The following OSBPL6 variants were observed in gnomAD, a reference collection of about 807,000 sequenced individuals.
OSBPL6 encodes oxysterol-binding protein-related protein 6.
OSBPL6 carries 49 observed loss-of-function variants against 125.8 expected under a neutral mutation model. The ratio of observed to expected loss-of-function variants is 0.39; its 90% CI spans 0.31 to 0.49. The LOEUF is 0.49. Among genes scored for constraint, OSBPL6 ranks in the 20% least tolerant of loss-of-function variants. The probability of loss-of-function intolerance (pLI) is 0.88; values close to 1 mark genes in which losing one functional copy is unlikely to be tolerated. For synonymous variants in OSBPL6, 394 were observed against 391.8 expected (o/e 1.01, Z -0.07); for missense variants, 986 against 1,135.4 (o/e 0.87, Z 1.89).
At position 178,333,043 on chromosome 2, in the gene OSBPL6, T is replaced by C; in HGVS notation, c.657+2T>C. The C allele has an allele frequency of 6.2e-7, 1 of 1,613,412 alleles. No homozygotes were observed. Among genetic ancestry groups the C allele is most frequent in the Non-Finnish European group, 8.5e-7 (1 of 1,179,844 alleles). Reference sequence around the variant, plus strand: ...AATGTTTCTGTAATGGATGGAAAGGTATGACTTTGTTCTATAAAAACCAGC... The same window carrying C: ...AATGTTTCTGTAATGGATGGAAAGGCATGACTTTGTTCTATAAAAACCAGC... On this transcript the variant is annotated splice_donor_variant, in intron 8 of 24. Coordinates refer to ENST00000190611, the MANE Select transcript of OSBPL6 (RefSeq NM_032523.4). LOFTEE classifies it high-confidence loss of function.
chr2:178,208,812 T>TCC (rs1559117235), intron 1 of OSBPL6, among the ~76,000 whole-genome samples: 5 of 14,580 alleles, frequency 3.4e-4, no homozygotes, highest in East Asian at 5.4e-3. Context: ...TTCCTCCCCT[T>TCC]TCTTTCTTTT....
intron 1 of OSBPL6, among the ~76,000 whole-genome samples, chr2:178,213,265 T>G (rs1024411324): frequency 6.6e-6 from 1 of 151,986 alleles, no homozygotes; most frequent in Non-Finnish European, 1.5e-5. Context: ...TGCTAGCAAA[T>G]TCCAAATTTA....
chr2:178,283,535 G>T (rs1199639286), intron 1 of OSBPL6, among the ~76,000 whole-genome samples: 1 of 152,134 alleles, frequency 6.6e-6, no homozygotes, highest in African/African-American at 2.4e-5. Context: ...CATGTTTCAG[G>T]ATCAGAGAGT....
chr2:178,195,824 A>G (rs534107501), intron 1 of OSBPL6, among the ~76,000 whole-genome samples: 2 of 151,940 alleles, frequency 1.3e-5, no homozygotes, highest in East Asian at 3.9e-4. Flanking sequence ...TTTCTAAATA[A>G]TTTTCTTGGA....
chr2:178,350,454 T>C (rs1472046399), intron 12 of OSBPL6, among the ~76,000 whole-genome samples: 1 of 152,176 alleles, frequency 6.6e-6, no homozygotes, highest in Non-Finnish European at 1.5e-5. Context: ...CTCAACAGCC[T>C]GGTGGAAAAG....
intron 1 of OSBPL6, among the ~76,000 whole-genome samples, chr2:178,270,453 G>C (rs960142970): frequency 3.9e-5 from 6 of 152,166 alleles, no homozygotes; most frequent in Non-Finnish European, 8.8e-5. Flanking sequence ...ACATTTCACA[G>C]ATAGGGAAAC....
chr2:178,383,222 A>G lies in OSBPL6; in HGVS notation c.1820A>G (p.Glu607Gly). 3 of 1,614,234 alleles carry G rather than the reference A, an allele frequency of 1.9e-6. No individual in the cohort carries two copies. Among genetic ancestry groups the G allele is most frequent in the Non-Finnish European group, 2.5e-6 (3 of 1,180,036 alleles). Residue 607 changes from glutamate (E) to glycine (G), a missense_variant, in exon 17 of 25, where the codon GAA (glutamate) becomes GGA (glycine). By Grantham distance (98) the Glu-to-Gly change is moderately conservative. This residue lies in a region of OSBPL6 where 843 missense variants were observed against 997.3 expected (regional missense o/e 0.85). Transcript: ENST00000190611. Reference protein sequence around the residue: ...NTLQHLCEEMEYSELLDKASE... With the variant: ...NTLQHLCEEMGYSELLDKASE... ...CTGCAGCACCTCTGTGAGGAAATGG[A>G]ATACAGCGAGCTCCTGGACAAGGCT...
chr2:178,198,344 C>A (rs1400952285), intron 1 of OSBPL6, among the ~76,000 whole-genome samples: 1 of 151,884 alleles, frequency 6.6e-6, no homozygotes, highest in Non-Finnish European at 1.5e-5. Context: ...GCTCTGTCGC[C>A]CAGGCTGGAA....
At chr2:178,288,502 C>G (rs1319693069) in intron 2 of OSBPL6, among the ~76,000 whole-genome samples, 4 of 151,968 alleles carry the variant, frequency 2.6e-5, no homozygotes, top group Admixed American at 6.6e-5. Flanking sequence ...AAGATTTAGA[C>G]CAGTTCTGAA....
intron 1 of OSBPL6, among the ~76,000 whole-genome samples, chr2:178,206,454 A>G (rs770674402): frequency 5.3e-5 from 8 of 152,228 alleles, no homozygotes; most frequent in Non-Finnish European, 1.2e-4. Flanking sequence ...TAACCTGTAT[A>G]TTTAGTGATA....
At chr2:178,394,960 C>T (rs1695718286) in intron 24 of OSBPL6, among the ~76,000 whole-genome samples, 1 of 152,178 alleles carries the variant, frequency 6.6e-6, no homozygotes, top group African/African-American at 2.4e-5. Context: ...ACAAAAAGCT[C>T]AGGGTAACCT....
At chr2:178,318,613 TG>T (rs1182921853) in intron 3 of OSBPL6, among the ~76,000 whole-genome samples, 11 of 152,236 alleles carry the variant, frequency 7.2e-5, no homozygotes, top group Admixed American at 5.9e-4. Context: ...ATGCAATCTA[TG>T]CCGCCATCAC....
chr2:178,321,374 G>A (rs1688234614), intron 3 of OSBPL6, among the ~76,000 whole-genome samples: 1 of 152,126 alleles, frequency 6.6e-6, no homozygotes, highest in South Asian at 2.1e-4. Context: ...TAGAGGCCAG[G>A]ACTGGGTATG....
chr2:178,344,031 CA>C (rs1329839404), intron 11 of OSBPL6, among the ~76,000 whole-genome samples: 9 of 152,164 alleles, frequency 5.9e-5, no homozygotes, highest in Admixed American at 6.5e-5. Context: ...GGCTGTCCAT[CA>C]GTTTATAACT....
At chr2:178,232,669 G>A (rs1221138902) in intron 1 of OSBPL6, among the ~76,000 whole-genome samples, 2 of 151,714 alleles carry the variant, frequency 1.3e-5, no homozygotes, top group East Asian at 3.9e-4. Flanking sequence ...TAAGTAACAT[G>A]TTACATTTTG....
chr2:178,228,360 A>C (rs13018708), intron 1 of OSBPL6, among the ~76,000 whole-genome samples: 52,128 of 151,628 alleles, frequency 0.34, 11,086 homozygotes, highest in East Asian at 0.7. Flanking sequence ...ATGGTGAAAC[A>C]CCATCTCTAC....
intron 1 of OSBPL6, among the ~76,000 whole-genome samples, chr2:178,247,756 C>T (rs778907103): frequency 2.6e-5 from 4 of 152,096 alleles, no homozygotes; most frequent in Admixed American, 6.6e-5. Context: ...GCATTTAGTG[C>T]GGCACTTTCC....
At chr2:178,378,443 A>G (rs771091457) in intron 15 of OSBPL6, among the ~76,000 whole-genome samples, 2 of 152,178 alleles carry the variant, frequency 1.3e-5, no homozygotes, top group Non-Finnish European at 2.9e-5. Flanking sequence ...TCCTCTTTAT[A>G]TGTTATTTAC....
At chr2:178,382,715 G>T in intron 16 of OSBPL6, 1 of 1,443,732 alleles carries the variant, frequency 6.9e-7, no homozygotes, top group South Asian at 1.5e-5. Context: ...AAGAGAAAAC[G>T]TTTTTCCTCT....
Sources: gnomAD v4.1 joint callset for allele counts (sites outside exome capture counted in the v4.1 genomes callset) on GRCh38, gnomAD v4.1.1 for gene constraint, gnomAD v4.1.1 regional missense constraint, MANE v1.5 for transcripts, NCBI Gene and HGNC (gene_info 2026-07-23, HGNC 2026-07-21) for gene names.